ITFG1: variants seen among roughly 807,000 people sequenced by gnomAD.
The protein encoded by ITFG1 is integrin alpha FG-GAP repeat containing 1.
Under a neutral mutation model 81.8 loss-of-function variants are expected in ITFG1, and 34 were observed. The ratio of observed to expected loss-of-function variants is 0.42; its 90% CI spans 0.32 to 0.55. The LOEUF (loss-of-function observed/expected upper bound fraction) is 0.55, where lower values mean the gene tolerates loss of function less well. ITFG1 is among the 20% of genes least tolerant of loss of function. The pLI is 0.17. For synonymous variants in ITFG1, 285 were observed against 270.6 expected (o/e 1.05, Z -0.52); for missense variants, 672 against 755.4 (o/e 0.89, Z 1.29).
intron 13 of ITFG1, among the ~76,000 whole-genome samples, chr16:47,221,734 A>G (rs1283639368): frequency 6.6e-6 from 1 of 152,124 alleles, no homozygotes; most frequent in Non-Finnish European, 1.5e-5. Flanking sequence ...TTGGTTGGTA[A>G]GCTATTGACT....
intron 6 of ITFG1, among the ~76,000 whole-genome samples, chr16:47,378,468 A>T (rs1447942667): frequency 6.6e-6 from 1 of 152,066 alleles, no homozygotes; most frequent in African/African-American, 2.4e-5. Context: ...CAATTCAAAA[A>T]TTTTTTTCCA....
intron 8 of ITFG1, among the ~76,000 whole-genome samples, chr16:47,328,491 A>T (rs1967592651): frequency 6.6e-6 from 1 of 152,104 alleles, no homozygotes; most frequent in Non-Finnish European, 1.5e-5. Context: ...AAAAAAAATC[A>T]AACCATATAT....
intron 10 of ITFG1, among the ~76,000 whole-genome samples, chr16:47,290,935 A>T (rs1295868417): frequency 6.6e-6 from 1 of 152,164 alleles, no homozygotes; most frequent in East Asian, 1.9e-4. Flanking sequence ...TTGCAGCGAC[A>T]AGGTTTAATT....
chr16:47,429,731 A>C (rs1009879704), intron 5 of ITFG1, among the ~76,000 whole-genome samples: 1 of 152,176 alleles, frequency 6.6e-6, no homozygotes, highest in Non-Finnish European at 1.5e-5. Flanking sequence ...TCTCTGGAGA[A>C]ATGTCTACTC....
chr16:47,285,825 C>T (rs1006381754), intron 10 of ITFG1, among the ~76,000 whole-genome samples: 6 of 152,142 alleles, frequency 3.9e-5, no homozygotes, highest in East Asian at 1.9e-4. Context: ...TGTAAACACG[C>T]GTTATAATAA....
At chr16:47,156,354 G>A (rs751296896) in intron 17 of ITFG1, among the ~76,000 whole-genome samples, 2 of 152,098 alleles carry the variant, frequency 1.3e-5, no homozygotes, top group Non-Finnish European at 2.9e-5. Context: ...CAGGAGAATC[G>A]CTTGAACCCA....
intron 9 of ITFG1, chr16:47,313,117 T>A (rs1402044008): frequency 6.6e-6 from 1 of 152,250 alleles, no homozygotes; most frequent in Non-Finnish European, 1.5e-5. Flanking sequence ...GTACTCACAC[T>A]GGCCAGTTAA....
intron 12 of ITFG1, among the ~76,000 whole-genome samples, chr16:47,257,480 T>A (rs765473772): frequency 6.6e-6 from 1 of 152,052 alleles, no homozygotes. Flanking sequence ...ACTACTAGCA[T>A]GGGTGGGAAC....
At chr16:47,327,311 T>C (rs1446994546) in intron 8 of ITFG1, among the ~76,000 whole-genome samples, 3 of 152,154 alleles carry the variant, frequency 2.0e-5, no homozygotes, top group African/African-American at 7.2e-5. Flanking sequence ...TTACACCTTA[T>C]ACAAAAATTA....
intron 14 of ITFG1, among the ~76,000 whole-genome samples, chr16:47,194,833 G>A (rs1047518069): frequency 6.6e-6 from 1 of 151,888 alleles, no homozygotes; most frequent in African/African-American, 2.4e-5. Context: ...TAGGTTTCAA[G>A]CCCCACATAT....
At chr16:47,366,479 TAA>T (rs1968178947) in intron 7 of ITFG1, among the ~76,000 whole-genome samples, 2 of 152,174 alleles carry the variant, frequency 1.3e-5, no homozygotes, top group South Asian at 4.1e-4. Context: ...GTGCCTAAGC[TAA>T]ATAGAAAAGG....
chr16:47,212,899 T>C (rs1965580656), intron 14 of ITFG1, among the ~76,000 whole-genome samples: 2 of 152,194 alleles, frequency 1.3e-5, no homozygotes, highest in South Asian at 2.1e-4. Flanking sequence ...TTTTGCTGTT[T>C]TGAATTTCAA....
At chr16:47,361,315 C>G (rs1481850527) in intron 8 of ITFG1, among the ~76,000 whole-genome samples, 1 of 151,602 alleles carries the variant, frequency 6.6e-6, no homozygotes, top group Non-Finnish European at 1.5e-5. Flanking sequence ...TTCTGTTTTC[C>G]CTTCAGTTTT....
intron 6 of ITFG1, among the ~76,000 whole-genome samples, chr16:47,416,805 C>T (rs1380757170): frequency 6.6e-6 from 1 of 152,120 alleles, no homozygotes; most frequent in Non-Finnish European, 1.5e-5. Flanking sequence ...TGTAAATTAT[C>T]CAGTCTCAGG....
intron 5 of ITFG1, among the ~76,000 whole-genome samples, chr16:47,430,233 ATT>A (rs953713980): frequency 1.5e-5 from 2 of 136,686 alleles, no homozygotes; most frequent in Non-Finnish European, 1.6e-5. Flanking sequence ...AATTTTTTGT[ATT>A]TTTTTTTTTT....
chr16:47,343,207 C>G (rs541162641), intron 8 of ITFG1, among the ~76,000 whole-genome samples: 4 of 152,192 alleles, frequency 2.6e-5, no homozygotes, highest in African/African-American at 9.6e-5. Flanking sequence ...GGCCACCTGA[C>G]AAGGGTACCC....
intron 5 of ITFG1, among the ~76,000 whole-genome samples, chr16:47,433,946 G>T (rs555917224): frequency 7.3e-6 from 1 of 136,674 alleles, no homozygotes; most frequent in Non-Finnish European, 1.6e-5. Context: ...GTTTATAGTT[G>T]AAAGTAATAT....
intron 14 of ITFG1, among the ~76,000 whole-genome samples, chr16:47,214,921 A>AACACACACAC (rs57114470): frequency 5.5e-5 from 8 of 145,034 alleles, no homozygotes; most frequent in Non-Finnish European, 6.1e-5. Flanking sequence ...CCAGTGTGAA[A>AACACACACAC]ACACACACAC....
In ITFG1 at chr16:47,245,889, C is replaced by T. The variant is rs868439958; in HGVS notation, c.1331-7881G>A. Among the ~76,000 whole-genome samples the T allele has an allele frequency of 5.3e-5, 8 of 151,646 alleles. 2 individuals are homozygous for T. The Middle Eastern group carries it at 0.024, about 454-fold the overall frequency. On this transcript the variant is annotated intron_variant, in intron 12 of 17. Coordinates refer to ENST00000320640, the MANE Select transcript of ITFG1 (RefSeq NM_030790.5). ...GAACTGAAGATTCGGACCATACTCA[C>T]GGTCACAAGGTGAATGGAACTCTTT...
Sources: allele counts gnomAD v4.1 joint callset (sites outside exome capture counted in the v4.1 genomes callset), GRCh38; gene constraint gnomAD v4.1.1; transcripts MANE v1.5; gene names NCBI Gene and HGNC (gene_info 2026-07-23, HGNC 2026-07-21).